Variants in DGKH observed in about 807,000 individuals in gnomAD.
DGKH encodes the protein DAG kinase eta.
DGKH carries 90 observed loss-of-function variants against 159.3 expected under a neutral mutation model. The observed-to-expected ratio is 0.57, with a 90% CI of 0.48 to 0.67. The LOEUF (loss-of-function observed/expected upper bound fraction) is 0.67. Ranked by LOEUF, DGKH falls within the 30% of genes least tolerant of loss-of-function variation. DGKH has a pLI of 0.00. For missense variants in DGKH, 1,181 were observed against 1,506.1 expected (o/e 0.78, Z 3.57); for synonymous variants, 536 against 553.8 (o/e 0.97, Z 0.45).
chr13:42,214,699 G>C, intron 25 of DGKH, 87 bp downstream of exon 25: 2 of 1,255,826 alleles, frequency 1.6e-6, no homozygotes, highest in Non-Finnish European at 2.2e-6. Flanking sequence ...GCCACGCCCT[G>C]TGACAGAAAG....
chr13:42,167,511 G>T (rs1297228833), intron 9 of DGKH, among the ~76,000 whole-genome samples: 1 of 151,946 alleles, frequency 6.6e-6, no homozygotes. Context: ...GTTCACTTTT[G>T]CCCCCTGAGT....
chr13:42,251,207 G>A (rs1265221764), intron 29 of DGKH, among the ~76,000 whole-genome samples: 1 of 152,112 alleles, frequency 6.6e-6, no homozygotes, highest in Non-Finnish European at 1.5e-5. Flanking sequence ...CGGGCACAGT[G>A]GCTCACACCT....
At chr13:42,124,375 T>C (rs1955131045) in intron 1 of DGKH, among the ~76,000 whole-genome samples, 1 of 152,240 alleles carries the variant, frequency 6.6e-6, no homozygotes, top group African/African-American at 2.4e-5. Context: ...ACCTTTGTTA[T>C]GCATGTGTTT....
rs1958540303 is a variant in DGKH at position 42,242,884 on chromosome 13, G to A, written c.*13696G>A. ...ATCATCCTTCTCAAATAAAAAGAAT[G>A]CATTTGAAGAAAGTGTGAAGTCTAC... On this transcript the variant is annotated 3_prime_UTR_variant, in exon 30 of 30. Transcript: ENST00000337343. 1 of 152,226 alleles carries A rather than the reference G, an allele frequency of 6.6e-6. No individual in the cohort carries two copies. The highest frequency in any genetic ancestry group is 1.5e-5 in the Non-Finnish European group (1 of 68,032). The allele number at this position is 152,226 out of a possible 1,614,324, so 9.4% of individuals were successfully genotyped here. A position where few individuals can be genotyped will look rare whatever the true frequency, so the allele number is the denominator to read the frequency against.
intron 3 of DGKH, among the ~76,000 whole-genome samples, chr13:42,148,944 C>CTTTTTTTTTTT (rs11287579): frequency 5.0e-5 from 4 of 80,072 alleles, no homozygotes; most frequent in Non-Finnish European, 7.2e-5. Flanking sequence ...CCCGCCCCTT[C>CTTTTTTTTTTT]TTTTTTTTTT....
chr13:42,162,239 A>G (rs1956200789), intron 7 of DGKH, among the ~76,000 whole-genome samples: 1 of 152,116 alleles, frequency 6.6e-6, no homozygotes, highest in South Asian at 2.1e-4. Flanking sequence ...GGCCTGGTGC[A>G]GTGGCTCATG....
chr13:42,058,372 G>A (rs1470327217), intron 1 of DGKH, among the ~76,000 whole-genome samples: 1 of 152,180 alleles, frequency 6.6e-6, no homozygotes, highest in Non-Finnish European at 1.5e-5. Context: ...ACCTATTGAT[G>A]TTGTTAAGTG....
chr13:42,254,666 C>T (rs1958644638), intron 30 of DGKH, among the ~76,000 whole-genome samples: 1 of 151,882 alleles, frequency 6.6e-6, no homozygotes, highest in Non-Finnish European at 1.5e-5. Flanking sequence ...ATAGTTATAC[C>T]TTCCTTGTGT....
chr13:42,091,261 ACTT>A (rs1219059906), intron 1 of DGKH, among the ~76,000 whole-genome samples: 1 of 152,182 alleles, frequency 6.6e-6, no homozygotes, highest in African/African-American at 2.4e-5. Context: ...TTTAGCAATG[ACTT>A]CTTGGATATG....
At chr13:42,108,119 G>C (rs1355542849) in intron 1 of DGKH, among the ~76,000 whole-genome samples, 3 of 152,132 alleles carry the variant, frequency 2.0e-5, no homozygotes, top group Non-Finnish European at 2.9e-5. Flanking sequence ...GCAGGTGGTG[G>C]TTCTGGCCCT....
At position 42,048,837 on chromosome 13, in the gene DGKH, G is replaced by C; in HGVS notation, c.64G>C (p.Gly22Arg). The change falls in exon 1 of 30, where the codon GGC becomes CGC. Residue 22 changes from glycine (G) to arginine (R), a missense_variant. Gly to Arg is a moderately radical substitution (Grantham distance 125). Around this residue, in one of 5 missense-constraint regions of DGKH, gnomAD observed 136 missense variants for 132.2 expected, o/e 1.03. Coordinates refer to ENST00000337343, the MANE Select transcript of DGKH (RefSeq NM_178009.5). This position sits in a 1 kb window ranked among gnomAD's most constrained non-coding sequence, Gnocchi z 6.7. ...CGCTGGAGGAGCGGCCGCCGGAGCC[G>C]GCGCCGCGGTCACCTCCGCCGCTGC... ...GAAGGAAAGA[G>R]AAVTSAAASA... 1 of 1,349,500 alleles carries C rather than the reference G, an allele frequency of 7.4e-7. No individual in the cohort carries two copies. Among genetic ancestry groups the C allele is most frequent in the Non-Finnish European group, 9.5e-7 (1 of 1,048,148 alleles). The allele number at this position is 1,349,500 out of a possible 1,614,324, so 83.6% of individuals were successfully genotyped here.
intron 16 of DGKH, among the ~76,000 whole-genome samples, chr13:42,193,699 C>T (rs1317742198): frequency 6.6e-6 from 1 of 151,992 alleles, no homozygotes; most frequent in East Asian, 1.9e-4. Context: ...AGAAATTAGC[C>T]CAGGAGTCCT....
chr13:42,133,471 C>G (rs1271225952), intron 3 of DGKH, among the ~76,000 whole-genome samples: 1 of 151,950 alleles, frequency 6.6e-6, no homozygotes, highest in East Asian at 1.9e-4. Context: ...GTGGTAGGAT[C>G]TCATGAAGCC....
chr13:42,087,082 C>CT (rs1954320687), intron 1 of DGKH, among the ~76,000 whole-genome samples: 1 of 146,596 alleles, frequency 6.8e-6, no homozygotes, highest in Admixed American at 6.9e-5. Context: ...CACACACACA[C>CT]ACCTCAGAAC....
chr13:42,159,462 C>A, intron 6 of DGKH, 90 bp downstream of exon 6: 1 of 913,212 alleles, frequency 1.1e-6, no homozygotes, highest in Non-Finnish European at 1.7e-6. Context: ...AGTAGGAATG[C>A]TTATTATTAG....
At chr13:42,208,668 T>A (rs1289366658) in intron 21 of DGKH, among the ~76,000 whole-genome samples, 1 of 151,968 alleles carries the variant, frequency 6.6e-6, no homozygotes, top group African/African-American at 2.4e-5. Flanking sequence ...ATTTAACATG[T>A]TTTATTCCAA....
chr13:42,099,701 G>A (rs1954617149), intron 1 of DGKH, among the ~76,000 whole-genome samples: 1 of 152,180 alleles, frequency 6.6e-6, no homozygotes, highest in South Asian at 2.1e-4. Flanking sequence ...ATGCAACAGT[G>A]AAGAAAACAT....
intron 1 of DGKH, among the ~76,000 whole-genome samples, chr13:42,116,032 T>C (rs963637334): frequency 6.6e-6 from 1 of 152,220 alleles, no homozygotes; most frequent in Non-Finnish European, 1.5e-5. Flanking sequence ...TATCTTGACA[T>C]GCCATGTTTT....
At chr13:42,141,342 A>G (rs1481943304) in intron 3 of DGKH, among the ~76,000 whole-genome samples, 1 of 152,042 alleles carries the variant, frequency 6.6e-6, no homozygotes, top group Admixed American at 6.6e-5. Context: ...GCTATTGTGA[A>G]TAGTGCTGCA....
Sources: allele counts gnomAD v4.1 joint callset (sites outside exome capture counted in the v4.1 genomes callset), GRCh38; gene constraint gnomAD v4.1.1; regional missense constraint gnomAD v4.1.1; non-coding constraint Gnocchi (gnomAD v3.1); transcripts MANE v1.5; gene names NCBI Gene and HGNC (gene_info 2026-07-23, HGNC 2026-07-21).